KDM6B: variants seen among roughly 807,000 people sequenced by gnomAD.
KDM6B encodes lysine-specific demethylase 6B.
KDM6B carries 22 observed loss-of-function variants against 150.4 expected under a neutral mutation model. The ratio of observed to expected loss-of-function variants is 0.15; its 90% CI spans 0.10 to 0.21. The LOEUF (loss-of-function observed/expected upper bound fraction) is 0.21. KDM6B is among the 10% of genes least tolerant of loss of function. KDM6B has a pLI of 1.00. For synonymous variants in KDM6B, 1,148 were observed against 921.1 expected (o/e 1.25, Z -4.46); for missense variants, 1,984 against 2,234.3 (o/e 0.89, Z 2.26).
Position 7,846,480 on chromosome 17 carries a change from G to C in KDM6B, c.537G>C (p.Leu179Phe). The stretch of plus-strand genomic sequence containing the variant: ...CCCCACTGGAGCAAGTGTGGAACTT[G>C]CTACACCTTGAGGTGAGGCTGGCAC... Reference protein sequence around the residue: ...VLPPLEQVWNLLHLEHKRNYG... With the variant: ...VLPPLEQVWNFLHLEHKRNYG... Residue 179 changes from leucine (L) to phenylalanine (F), a missense_variant, in exon 8 of 24, where the codon TTG becomes TTC. By Grantham distance (22) the Leu-to-Phe change is conservative (BLOSUM62 0). This residue lies in a region of KDM6B where 337 missense variants were observed against 323.9 expected (regional missense o/e 1.04). Transcript: ENST00000448097. 6.2e-7 allele frequency: 1 copy of C among 1,613,716 alleles called. No homozygotes were observed. The highest frequency in any genetic ancestry group is 8.5e-7 in the Non-Finnish European group (1 of 1,179,942).
Position 7,846,187 on chromosome 17 carries a change from C to T in KDM6B, c.346C>T (p.Leu116=). Reference sequence around the variant, plus strand: ...AGGGCTTTGGGAACAGCTTGGGCAACTGTACGAGTCAGAGCACGATAGTGA... The same window carrying T: ...AGGGCTTTGGGAACAGCTTGGGCAATTGTACGAGTCAGAGCACGATAGTGA... ...QPGLWEQLGQ[L]YESEHDSEEA... is the part of the protein sequence containing the mutation. Residue 116 remains leucine (L), a synonymous_variant, in exon 7 of 24, where the codon CTG becomes TTG. Transcript: ENST00000448097. The T allele has an allele frequency of 6.2e-7, 1 of 1,614,150 alleles. No homozygotes were observed. Among genetic ancestry groups the T allele is most frequent in the Non-Finnish European group, 8.5e-7 (1 of 1,180,022 alleles).
At chr17:7,847,049 C>T (rs766500294) in intron 10 of KDM6B, 33 bp downstream of exon 10, 10 of 1,611,018 alleles carry the variant, frequency 6.2e-6, no homozygotes, top group Middle Eastern at 1.6e-4. Context: ...TCACCTCTCA[C>T]CTACAAGTCC....
At position 7,846,484 on chromosome 17, in the gene KDM6B, C is replaced by T. The variant is rs2078540848; in HGVS notation, c.541C>T (p.His181Tyr). The T allele has an allele frequency of 6.2e-7, 1 of 1,613,658 alleles. No homozygotes were observed. Reference protein sequence around the residue: ...PPLEQVWNLLHLEHKRNYGAK... With the variant: ...PPLEQVWNLLYLEHKRNYGAK... ...ACTGGAGCAAGTGTGGAACTTGCTACACCTTGAGGTGAGGCTGGCACTGGG... is the reference window on the plus strand; with the variant it reads ...ACTGGAGCAAGTGTGGAACTTGCTATACCTTGAGGTGAGGCTGGCACTGGG... Residue 181 changes from histidine (H) to tyrosine (Y), a missense_variant, in exon 8 of 24, where the codon CAC becomes TAC. By Grantham distance (83) the His-to-Tyr change is moderately conservative (BLOSUM62 2). Transcript: ENST00000448097.
Position 7,854,423 on chromosome 17 carries a change from A to T in KDM6B, c.*902A>T, listed in dbSNP as rs1275555882. On this transcript the variant is annotated 3_prime_UTR_variant, in exon 24 of 24. Transcript: ENST00000448097. ...GGTATTTTGTAAAAAAAATAAATAAAATAAAAAAATTAAAGGTTTTAAAGA... is the reference window on the plus strand; with the variant it reads ...GGTATTTTGTAAAAAAAATAAATAATATAAAAAAATTAAAGGTTTTAAAGA... 1.3e-5 allele frequency: 2 copies of T among 152,380 alleles called. No individual in the cohort carries two copies. 9.4% of individuals were successfully genotyped at this position (152,380 alleles called of 1,614,324 possible).
intron 1 of KDM6B, among the ~76,000 whole-genome samples, chr17:7,836,697 G>A (rs1432981247): frequency 1.3e-5 from 2 of 152,266 alleles, no homozygotes; most frequent in African/African-American, 2.4e-5. Context: ...TGGGATTGGA[G>A]TCGTATTAGG....
At position 7,846,252 on chromosome 17, in the gene KDM6B, A is replaced by G. The variant is rs755933365; in HGVS notation, c.411A>G (p.Gly137=). 1.2e-6 allele frequency: 2 copies of G among 1,613,974 alleles called. No individual in the cohort carries two copies. The highest frequency in any genetic ancestry group is 1.1e-5 in the South Asian group (1 of 91,054). ...TRCYHSALRY[G]GSFAELGPRI... The stretch of plus-strand genomic sequence containing the variant: ...GCTACCACAGCGCCCTTCGATACGG[A>G]GGAAGCTTCGCTGAGCTGGGGCCCC... The change falls in exon 7 of 24, where the codon GGA becomes GGG. Residue 137 remains glycine, a synonymous_variant. Coordinates refer to ENST00000448097, the MANE Select transcript of KDM6B (RefSeq NM_001348716.2).
intron 16 of KDM6B, 39 bp downstream of exon 16, chr17:7,851,433 C>T (rs906906945): frequency 2.5e-6 from 4 of 1,614,156 alleles, no homozygotes; most frequent in South Asian, 1.1e-5. Flanking sequence ...CTGCTTCCTT[C>T]CCCTCCCTCT....
rs2078615714 is a variant in KDM6B at position 7,848,546 on chromosome 17, C to T, written c.2258C>T (p.Thr753Ile). 1 of 1,302,226 alleles carries T rather than the reference C, an allele frequency of 7.7e-7. No homozygotes were observed. The highest frequency in any genetic ancestry group is 1.0e-6 in the Non-Finnish European group (1 of 981,238). 80.7% of individuals were successfully genotyped at this position (1,302,226 alleles called of 1,614,324 possible). Reference sequence around the variant, plus strand: ...ACTGCTCCTGCTGTCGCCGTCACCACCACCACCACCACCACCACCACCACC... The same window carrying T: ...ACTGCTCCTGCTGTCGCCGTCACCATCACCACCACCACCACCACCACCACC... Reference protein sequence around the residue: ...TTTAPAVAVTTTTTTTTTTTA... With the variant: ...TTTAPAVAVTITTTTTTTTTA... The change falls in exon 12 of 24, where the codon ACC becomes ATC. Residue 753 changes from threonine (T) to isoleucine (I), a missense_variant. By Grantham distance (89) the Thr-to-Ile change is moderately conservative (BLOSUM62 -1). This residue lies in a region of KDM6B where 1,379 missense variants were observed against 1,275.6 expected (regional missense o/e 1.08). Transcript: ENST00000448097.
chr17:7,842,590 C>G (rs576879767), intron 2 of KDM6B, among the ~76,000 whole-genome samples: 8 of 152,088 alleles, frequency 5.3e-5, no homozygotes, highest in African/African-American at 1.7e-4. Context: ...GAGAGTGGAG[C>G]GCGAGCTGGC....
Position 7,851,801 on chromosome 17 carries a change from G to T in KDM6B, c.4165+5G>T. The T allele has an allele frequency of 6.4e-7, 1 of 1,555,486 alleles. No individual in the cohort carries two copies. On this transcript the variant is annotated splice_donor_5th_base_variant and intron_variant, in intron 18 of 23. Transcript: ENST00000448097. ...TGCCCGGCAGCCGAACGCCAGGTGC[G>T]CTCCACGCCTGTGCGCGCTGATGCT...
At position 7,843,257 on chromosome 17, in the gene KDM6B, C is replaced by A. The variant is rs2078454654; in HGVS notation, c.-268-1644C>A. ...TCCACGTCTGGTTCTTGGGTCTCCTCCCCGCCCCTGCCTCGGTACTCGGGT... is the reference window on the plus strand; with the variant it reads ...TCCACGTCTGGTTCTTGGGTCTCCTACCCGCCCCTGCCTCGGTACTCGGGT... On this transcript the variant is annotated intron_variant, in intron 2 of 23. Transcript: ENST00000448097. The surrounding 1 kb of genome is among the most constrained non-coding windows in gnomAD (Gnocchi z 4.5). Among the ~76,000 whole-genome samples, 1 of 152,188 alleles carries A rather than the reference C, an allele frequency of 6.6e-6. No homozygotes were observed. The highest frequency in any genetic ancestry group is 1.5e-5 in the Non-Finnish European group (1 of 68,040).
intron 14 of KDM6B, 40 bp from the exon 15 acceptor site, chr17:7,850,981 C>T (rs1040750840): frequency 7.7e-7 from 1 of 1,299,368 alleles, no homozygotes; most frequent in South Asian, 1.5e-5. Context: ...TCCCTATCCT[C>T]TGCCTCTGCC....
rs770165612 is a variant in KDM6B at position 7,847,956 on chromosome 17, C to T, written c.1668C>T (p.Ser556=). The change falls in exon 12 of 24, where the codon AGC becomes AGT. Residue 556 remains serine (S), a synonymous_variant. Coordinates refer to ENST00000448097, the MANE Select transcript of KDM6B (RefSeq NM_001348716.2). ...CCCCAACCACCAGCAGTAGCAACAG[C>T]AACAGTGGCAGCCACAGCAGCAGCC... ...PPTPTTSSSN[S]NSGSHSSSPA... is the part of the protein sequence containing the mutation. The T allele has an allele frequency of 3.1e-6, 5 of 1,611,802 alleles. No individual in the cohort carries two copies. Among genetic ancestry groups the T allele is most frequent in the Middle Eastern group, 1.6e-4 (1 of 6,062 alleles).
In KDM6B at chr17:7,853,067, A is replaced by G. The variant is rs764632384; in HGVS notation, c.4678A>G (p.Lys1560Glu). The G allele has an allele frequency of 1.9e-6, 3 of 1,614,116 alleles. No individual in the cohort carries two copies. The Admixed American group carries it at 5.0e-5, about 27-fold the overall frequency. ...QRESLVRAGK[K>E]IAYQGRVKDE... ...CGAGAGCCTGGTGCGGGCAGGGAAGAAAATCGCTTACCAGGGCCGTGTCAA... is the reference window on the plus strand; with the variant it reads ...CGAGAGCCTGGTGCGGGCAGGGAAGGAAATCGCTTACCAGGGCCGTGTCAA... The change falls in exon 22 of 24, where the codon AAA becomes GAA. Residue 1560 changes from lysine (K) to glutamate (E), a missense_variant. By Grantham distance (56) the Lys-to-Glu change is moderately conservative (BLOSUM62 1). Transcript: ENST00000448097.
Position 7,843,500 on chromosome 17 carries a change from ACCTTGCCC to A in KDM6B, c.-268-1399_-268-1392del, listed in dbSNP as rs945935442. Among the ~76,000 whole-genome samples the A allele has an allele frequency of 1.5e-4, 23 of 151,894 alleles. No individual in the cohort carries two copies. Among genetic ancestry groups the A allele is most frequent in the African/African-American group, 5.3e-4 (22 of 41,320 alleles). ...CCAAGCGCTTCCATGCAAACAAACG[ACCTTGCCC>A]CTTCGGGAAGGAAGGCTCTTTTCAC... On this transcript the variant is annotated intron_variant, in intron 2 of 23. Transcript: ENST00000448097. The surrounding 1 kb of genome is among the most constrained non-coding windows in gnomAD (Gnocchi z 4.5).
chr17:7,854,794 A>G lies in KDM6B; in HGVS notation c.*1273A>G. On this transcript the variant is annotated 3_prime_UTR_variant, in exon 24 of 24. Transcript: ENST00000448097. Reference sequence around the variant, plus strand: ...AATATTAAAAATAAACGGAGAAAAAAAATCCTGTTTCGCTAACGGCTGGTG... The same window carrying G: ...AATATTAAAAATAAACGGAGAAAAAGAATCCTGTTTCGCTAACGGCTGGTG... 2.4e-6 allele frequency: 1 copy of G among 418,740 alleles called. No homozygotes were observed. The highest frequency in any genetic ancestry group is 4.3e-6 in the Non-Finnish European group (1 of 232,190). The allele number at this position is 418,740 out of a possible 1,614,324, so 25.9% of individuals were successfully genotyped here.
At chr17:7,842,869 G>C (rs1407416316) in intron 2 of KDM6B, among the ~76,000 whole-genome samples, 1 of 152,118 alleles carries the variant, frequency 6.6e-6, no homozygotes, top group Non-Finnish European at 1.5e-5. Context: ...TTGTACGGGG[G>C]GCGGGGGGGC....
Position 7,847,159 on chromosome 17 carries a change from G to A in KDM6B, c.964G>A (p.Ala322Thr), listed in dbSNP as rs1319521137. 1.2e-5 allele frequency: 20 copies of A among 1,607,114 alleles called. No individual in the cohort carries two copies. The highest frequency in any genetic ancestry group is 2.7e-5 in the African/African-American group (2 of 74,834). ...PYPYPAPAYT[A>T]HPPGHRLVPA... ...TCCATACCCAGCTCCAGCGTACACC[G>A]CGCACCCCCCTGGCCACCGGCTGGT... Residue 322 changes from alanine to threonine, a missense_variant, in exon 11 of 24, where the codon GCG (alanine) becomes ACG (threonine). Physicochemically the swap from Ala to Thr is moderately conservative, Grantham distance 58 (BLOSUM62 0). Around this residue, in one of 13 missense-constraint regions of KDM6B, gnomAD observed 1,379 missense variants for 1,275.6 expected, o/e 1.08. Transcript: ENST00000448097.
intron 4 of KDM6B, 25 bp from the exon 5 acceptor site, chr17:7,845,525 G>A (rs2078513608): frequency 6.2e-7 from 1 of 1,613,974 alleles, no homozygotes; most frequent in Non-Finnish European, 8.5e-7. Flanking sequence ...TCCAGTAAGA[G>A]CATAATTTCT....
Sources: allele counts gnomAD v4.1 joint callset (sites outside exome capture counted in the v4.1 genomes callset), GRCh38; gene constraint gnomAD v4.1.1; regional missense constraint gnomAD v4.1.1; non-coding constraint Gnocchi (gnomAD v3.1); transcripts MANE v1.5; gene names NCBI Gene and HGNC (gene_info 2026-07-23, HGNC 2026-07-21).